Variants in PID1 observed in about 807,000 individuals in gnomAD.
The protein encoded by PID1 is phosphotyrosine interaction domain containing 1.
In PID1, 10 loss-of-function variants were observed where a neutral mutation model predicts 19.1. The ratio of observed to expected loss-of-function variants is 0.52; its 90% CI spans 0.32 to 0.89. The LOEUF (loss-of-function observed/expected upper bound fraction) is 0.89. PID1 is among the 40% of genes least tolerant of loss of function. The pLI is 0.03. For synonymous variants in PID1, 130 were observed against 116.0 expected (o/e 1.12, Z -0.78); for missense variants, 248 against 285.3 (o/e 0.87, Z 0.94).
At chr2:229,093,966 C>T (rs1001478952) in intron 2 of PID1, among the ~76,000 whole-genome samples, 2 of 152,124 alleles carry the variant, frequency 1.3e-5, no homozygotes, top group African/African-American at 2.4e-5. Context: ...AGCTATCAGG[C>T]CAGAGAAAGA....
At chr2:229,135,662 A>G (rs1689844519) in intron 2 of PID1, among the ~76,000 whole-genome samples, 1 of 152,292 alleles carries the variant, frequency 6.6e-6, no homozygotes, top group African/African-American at 2.4e-5. Context: ...CAGTACATCC[A>G]GTTATCCAAA....
intron 1 of PID1, among the ~76,000 whole-genome samples, chr2:229,169,039 C>G (rs1237012190): frequency 1.3e-5 from 2 of 152,162 alleles, no homozygotes; most frequent in African/African-American, 4.8e-5. Flanking sequence ...GGTCCCTCTC[C>G]TCACTCTTGC....
At chr2:229,200,021 T>C (rs547181447) in intron 1 of PID1, among the ~76,000 whole-genome samples, 1 of 152,094 alleles carries the variant, frequency 6.6e-6, no homozygotes, top group South Asian at 2.1e-4. Context: ...TTGAAACTCA[T>C]GCCTTCTTCT....
chr2:229,084,252 T>A (rs1384042891), intron 2 of PID1, among the ~76,000 whole-genome samples: 2 of 152,172 alleles, frequency 1.3e-5, no homozygotes, highest in African/African-American at 4.8e-5. Flanking sequence ...AGGATACAAG[T>A]CTTCTTGCTA....
At chr2:229,159,424 T>C (rs1202728960) in intron 1 of PID1, among the ~76,000 whole-genome samples, 3 of 152,174 alleles carry the variant, frequency 2.0e-5, no homozygotes, top group Non-Finnish European at 2.9e-5. Flanking sequence ...GTAAGCTAGA[T>C]AATTAGGGCA....
chr2:229,181,222 G>A (rs936788072), intron 1 of PID1, among the ~76,000 whole-genome samples: 1 of 152,168 alleles, frequency 6.6e-6, no homozygotes, highest in Non-Finnish European at 1.5e-5. Flanking sequence ...CTCTAAGCAC[G>A]GCCTTGAAGG....
At chr2:229,204,745 G>A (rs898854326) in intron 1 of PID1, among the ~76,000 whole-genome samples, 1 of 152,110 alleles carries the variant, frequency 6.6e-6, no homozygotes, top group African/African-American at 2.4e-5. Context: ...CCTCAGAACA[G>A]TGAGGACTGC....
At chr2:229,218,491 T>C (rs1355065864) in intron 1 of PID1, among the ~76,000 whole-genome samples, 2 of 152,078 alleles carry the variant, frequency 1.3e-5, no homozygotes, top group African/African-American at 4.8e-5. Context: ...AGCTGAAGCT[T>C]TGCCAGCAAC....
chr2:229,254,555 T>C (rs1409817478), intron 1 of PID1, among the ~76,000 whole-genome samples: 3 of 152,198 alleles, frequency 2.0e-5, no homozygotes, highest in Non-Finnish European at 4.4e-5. Context: ...ATGTTTCTCT[T>C]TTTCCTCGGG....
chr2:229,139,791 A>G (rs564558113), intron 2 of PID1, among the ~76,000 whole-genome samples: 1 of 152,334 alleles, frequency 6.6e-6, no homozygotes, highest in South Asian at 2.1e-4. Context: ...CCTTGATATA[A>G]TAAGGAGGAA....
chr2:229,172,058 G>A (rs1690721939), intron 1 of PID1, among the ~76,000 whole-genome samples: 1 of 152,174 alleles, frequency 6.6e-6, no homozygotes, highest in Admixed American at 6.5e-5. Context: ...GTGCACAGGA[G>A]TTATGGCCTA....
chr2:229,201,104 C>A (rs939743490), intron 1 of PID1, among the ~76,000 whole-genome samples: 1 of 151,948 alleles, frequency 6.6e-6, no homozygotes, highest in Non-Finnish European at 1.5e-5. Context: ...TTTTCTATTT[C>A]TTTTATTATG....
At chr2:229,221,652 C>T (rs1315480825) in intron 1 of PID1, among the ~76,000 whole-genome samples, 1 of 152,202 alleles carries the variant, frequency 6.6e-6, no homozygotes, top group Non-Finnish European at 1.5e-5. Context: ...CCAATTTCAT[C>T]TACGGCCACA....
chr2:229,091,613 A>C (rs1478134282), intron 2 of PID1, among the ~76,000 whole-genome samples: 7 of 152,150 alleles, frequency 4.6e-5, no homozygotes, highest in Non-Finnish European at 8.8e-5. Context: ...GCAAAAAGAC[A>C]ACAATCCAGG....
chr2:229,062,444 C>T (rs1186126292), intron 2 of PID1, among the ~76,000 whole-genome samples: 1 of 151,822 alleles, frequency 6.6e-6, no homozygotes, highest in Non-Finnish European at 1.5e-5. Context: ...AGGGATAAAT[C>T]CTGCTTGATC....
chr2:229,229,814 C>T (rs77499915), intron 1 of PID1, among the ~76,000 whole-genome samples: 1 of 152,144 alleles, frequency 6.6e-6, no homozygotes, highest in South Asian at 2.1e-4. Flanking sequence ...CTGGGTTTCA[C>T]CTACAAAATT....
chr2:229,270,378 G>A (rs1690702755), intron 1 of PID1, among the ~76,000 whole-genome samples: 1 of 152,122 alleles, frequency 6.6e-6, no homozygotes, highest in African/African-American at 2.4e-5. Flanking sequence ...TCCAATTCAA[G>A]GCAGTCTGGC....
chr2:229,242,443 C>A (rs1406191154), intron 1 of PID1, among the ~76,000 whole-genome samples: 1 of 150,944 alleles, frequency 6.6e-6, no homozygotes, highest in African/African-American at 2.4e-5. Flanking sequence ...TATGCTGCTT[C>A]GACTGGTAAA....
chr2:229,270,844 C>T (rs1238914464), intron 1 of PID1, among the ~76,000 whole-genome samples, 170 bp downstream of exon 1: 3 of 152,164 alleles, frequency 2.0e-5, no homozygotes, highest in Non-Finnish European at 1.5e-5. Context: ...ATCCCCATAC[C>T]CCTGCCGGGT....
Sources: gnomAD v4.1 joint callset for allele counts (sites outside exome capture counted in the v4.1 genomes callset) on GRCh38, gnomAD v4.1.1 for gene constraint, MANE v1.5 for transcripts, NCBI Gene and HGNC (gene_info 2026-07-23, HGNC 2026-07-21) for gene names.